CCDC178: variants seen among roughly 807,000 people sequenced by gnomAD.
The protein encoded by CCDC178 is coiled-coil domain-containing protein 178.
CCDC178 carries 126 observed loss-of-function variants against 117.4 expected under a neutral mutation model. The ratio of observed to expected loss-of-function variants is 1.07; its 90% CI spans 0.93 to 1.24. The LOEUF is 1.24. Among genes scored for constraint, CCDC178 ranks in the 50% most tolerant of loss-of-function variants. The pLI is 0.00. For synonymous variants in CCDC178, 283 were observed against 313.4 expected (o/e 0.90, Z 1.02); for missense variants, 1,030 against 986.9 (o/e 1.04, Z -0.59).
chr18:33,440,128 G>A (rs1306912784), intron 1 of CCDC178, 47 bp from the exon 2 acceptor site: 3 of 151,990 alleles, frequency 2.0e-5, no homozygotes, highest in Admixed American at 6.6e-5. Flanking sequence ...CAGTTCAAAG[G>A]AATAATACAT....
chr18:33,180,928 G>C (rs1488135196), intron 20 of CCDC178, among the ~76,000 whole-genome samples: 1 of 152,044 alleles, frequency 6.6e-6, no homozygotes, highest in Non-Finnish European at 1.5e-5. Flanking sequence ...ATGCGAGGTA[G>C]GAACTCCATT....
chr18:32,979,189 C>T (rs2055092560), intron 21 of CCDC178, among the ~76,000 whole-genome samples: 1 of 151,670 alleles, frequency 6.6e-6, no homozygotes, highest in East Asian at 1.9e-4. Context: ...CAGAGTCTTA[C>T]TTTGTCGCCC....
chr18:33,006,202 G>T (rs1212699260), intron 21 of CCDC178, among the ~76,000 whole-genome samples: 1 of 151,864 alleles, frequency 6.6e-6, no homozygotes, highest in East Asian at 1.9e-4. Flanking sequence ...ATTTGCTTTG[G>T]TTTTATTTCA....
chr18:33,110,718 C>A (rs921567017), intron 20 of CCDC178, among the ~76,000 whole-genome samples: 2 of 151,578 alleles, frequency 1.3e-5, no homozygotes, highest in Non-Finnish European at 3.0e-5. Flanking sequence ...AATCAAGAGA[C>A]TATGTTTACA....
At chr18:33,114,105 T>C (rs1254749560) in intron 20 of CCDC178, among the ~76,000 whole-genome samples, 2 of 152,016 alleles carry the variant, frequency 1.3e-5, no homozygotes, top group African/African-American at 4.8e-5. Context: ...GTGTAGCAAA[T>C]AATGTTCTGA....
intron 11 of CCDC178, among the ~76,000 whole-genome samples, chr18:33,321,577 T>G (rs2062509017): frequency 6.6e-6 from 1 of 152,080 alleles, no homozygotes; most frequent in Non-Finnish European, 1.5e-5. Context: ...TCTTAGTTCC[T>G]TTCATTGTCA....
intron 20 of CCDC178, among the ~76,000 whole-genome samples, chr18:33,117,834 G>C (rs2057879963): frequency 6.6e-6 from 1 of 151,932 alleles, no homozygotes; most frequent in Non-Finnish European, 1.5e-5. Context: ...CCTCATTCTT[G>C]AAGAGTGATG....
intron 10 of CCDC178, among the ~76,000 whole-genome samples, chr18:33,326,620 C>T (rs1269663954): frequency 2.0e-5 from 3 of 152,092 alleles, no homozygotes; most frequent in South Asian, 2.1e-4. Flanking sequence ...GAGTTGTTTA[C>T]TCTAAAGGGG....
chr18:33,338,140 CAT>C (rs1176767221), intron 9 of CCDC178, among the ~76,000 whole-genome samples: 2 of 152,094 alleles, frequency 1.3e-5, no homozygotes, highest in African/African-American at 2.4e-5. Context: ...GGCCAACAAA[CAT>C]ATGGAAAAAT....
intron 19 of CCDC178, among the ~76,000 whole-genome samples, chr18:33,214,975 C>A (rs971672779): frequency 1.3e-5 from 2 of 151,800 alleles, no homozygotes; most frequent in Non-Finnish European, 2.9e-5. Flanking sequence ...AAATGAGAAG[C>A]AAAATGAGTA....
chr18:33,130,470 T>G (rs1003754021), intron 20 of CCDC178, among the ~76,000 whole-genome samples: 2 of 152,006 alleles, frequency 1.3e-5, no homozygotes, highest in African/African-American at 2.4e-5. Flanking sequence ...TTGTAACTAT[T>G]TTACACATAA....
intron 12 of CCDC178, among the ~76,000 whole-genome samples, chr18:33,271,679 T>C (rs765884052): frequency 1.3e-4 from 19 of 151,476 alleles, no homozygotes; most frequent in Non-Finnish European, 1.6e-4. Context: ...ACAGAGACTT[T>C]GATACTGCAT....
chr18:33,358,977 C>G (rs76402602), intron 6 of CCDC178, among the ~76,000 whole-genome samples: 277 of 151,908 alleles, frequency 1.8e-3, no homozygotes, highest in African/African-American at 6.4e-3. Context: ...AGATTCTAAA[C>G]TAATTAATAA....
intron 11 of CCDC178, among the ~76,000 whole-genome samples, chr18:33,316,487 CCTGCA>C (rs1317625308): frequency 6.6e-6 from 1 of 152,070 alleles, no homozygotes; most frequent in South Asian, 2.1e-4. Flanking sequence ...GCCGTGGGCT[CCTGCA>C]CTGCCCTAGC....
intron 22 of CCDC178, among the ~76,000 whole-genome samples, chr18:32,950,276 C>T (rs990587759): frequency 3.2e-4 from 49 of 152,128 alleles, no homozygotes; most frequent in African/African-American, 1.2e-3. Context: ...TTACTCAATT[C>T]ACATAATTTG....
intron 21 of CCDC178, among the ~76,000 whole-genome samples, chr18:33,077,689 A>G (rs1329302219): frequency 6.6e-6 from 1 of 152,212 alleles, no homozygotes; most frequent in Non-Finnish European, 1.5e-5. Context: ...GGAGAGATGG[A>G]TAAATTCCTG....
At chr18:32,959,151 A>G (rs2054653912) in intron 22 of CCDC178, among the ~76,000 whole-genome samples, 1 of 152,200 alleles carries the variant, frequency 6.6e-6, no homozygotes, top group African/African-American at 2.4e-5. Context: ...TGTCAAGATC[A>G]TAAGCACTCA....
At chr18:33,229,275 C>G (rs1426608197) in intron 15 of CCDC178, among the ~76,000 whole-genome samples, 1 of 152,138 alleles carries the variant, frequency 6.6e-6, no homozygotes, top group Non-Finnish European at 1.5e-5. Context: ...GGCTATCATT[C>G]TATTTTTATT....
chr18:33,432,162 G>A (rs1421998016), intron 2 of CCDC178, among the ~76,000 whole-genome samples: 2 of 152,192 alleles, frequency 1.3e-5, no homozygotes, highest in Non-Finnish European at 2.9e-5. Context: ...GATGACACAT[G>A]GCAGGAGGGT....
Sources: allele counts gnomAD v4.1 joint callset (sites outside exome capture counted in the v4.1 genomes callset), GRCh38; gene constraint gnomAD v4.1.1; transcripts MANE v1.5; gene names NCBI Gene and HGNC (gene_info 2026-07-23, HGNC 2026-07-21).